The following RBFOX1 variants were observed in gnomAD, a reference collection of about 807,000 sequenced individuals.
RBFOX1 encodes the protein RNA binding protein fox-1 homolog 1.
In RBFOX1, 8 loss-of-function variants were observed where a neutral mutation model predicts 57.7. The observed-to-expected ratio is 0.14, with a 90% CI of 0.08 to 0.25. RBFOX1 has a LOEUF of 0.25. Among genes scored for constraint, RBFOX1 ranks in the 10% least tolerant of loss-of-function variants. The pLI is 1.00. For synonymous variants in RBFOX1, 326 were observed against 222.4 expected (o/e 1.47, Z -4.15); for missense variants, 611 against 548.5 (o/e 1.11, Z -1.14).
At chr16:6,208,751 G>T (rs2097272284) in intron 1 of RBFOX1, among the ~76,000 whole-genome samples, 1 of 152,168 alleles carries the variant, frequency 6.6e-6, no homozygotes, top group Admixed American at 6.5e-5. Flanking sequence ...GTTCTTCTTG[G>T]AAAATTGGAG....
chr16:5,659,119 C>G (rs748201785), intron 3 of RBFOX1, among the ~76,000 whole-genome samples: 4 of 151,970 alleles, frequency 2.6e-5, no homozygotes, highest in African/African-American at 4.8e-5. Context: ...TTTACATTCC[C>G]ACCATCAGTG....
At chr16:6,141,670 C>T (rs937843041) in intron 1 of RBFOX1, among the ~76,000 whole-genome samples, 2 of 152,024 alleles carry the variant, frequency 1.3e-5, no homozygotes, top group Non-Finnish European at 2.9e-5. Context: ...CTTTTCAGCC[C>T]TCTTTAATTC....
chr16:7,362,830 G>T (rs1404159910), intron 4 of RBFOX1, among the ~76,000 whole-genome samples: 1 of 152,140 alleles, frequency 6.6e-6, no homozygotes, highest in Admixed American at 6.5e-5. Context: ...TTATCAGTGG[G>T]TCAGAAGACA....
At chr16:7,148,168 G>C (rs1477580558) in intron 4 of RBFOX1, among the ~76,000 whole-genome samples, 1 of 152,180 alleles carries the variant, frequency 6.6e-6, no homozygotes, top group Non-Finnish European at 1.5e-5. Context: ...GGCTAACTCA[G>C]AGGATTTACA....
intron 4 of RBFOX1, among the ~76,000 whole-genome samples, chr16:7,065,795 A>G (rs2055859039): frequency 6.6e-6 from 1 of 152,130 alleles, no homozygotes; most frequent in Admixed American, 6.5e-5. Flanking sequence ...TTTGACCAAT[A>G]TCTCCTAAAT....
At chr16:6,884,925 T>G (rs2063681902) in intron 3 of RBFOX1, among the ~76,000 whole-genome samples, 2 of 152,000 alleles carry the variant, frequency 1.3e-5, no homozygotes, top group African/African-American at 4.8e-5. Flanking sequence ...AAAAAAACCC[T>G]GCAAATATTA....
At chr16:6,969,458 G>C (rs1377736068) in intron 3 of RBFOX1, among the ~76,000 whole-genome samples, 1 of 151,946 alleles carries the variant, frequency 6.6e-6, no homozygotes, top group African/African-American at 2.4e-5. Context: ...AAGGTGGCCG[G>C]GTGTGGTGGC....
At chr16:5,639,799 G>A (rs1457659047) in intron 3 of RBFOX1, among the ~76,000 whole-genome samples, 2 of 152,148 alleles carry the variant, frequency 1.3e-5, no homozygotes, top group Admixed American at 6.5e-5. Flanking sequence ...CCAGTCCCCT[G>A]GGCTGGTGTC....
intron 7 of RBFOX1, among the ~76,000 whole-genome samples, chr16:7,587,704 A>G (rs2094203041): frequency 6.6e-6 from 1 of 152,182 alleles, no homozygotes; most frequent in Non-Finnish European, 1.5e-5. Context: ...AGGGGAGAAA[A>G]ATCTCATATA....
chr16:5,360,493 G>C (rs1431186616), intron 1 of RBFOX1, among the ~76,000 whole-genome samples: 1 of 152,224 alleles, frequency 6.6e-6, no homozygotes, highest in Non-Finnish European at 1.5e-5. Context: ...GGTAATGGGA[G>C]AGAGTGCACC....
intron 1 of RBFOX1, among the ~76,000 whole-genome samples, chr16:6,119,734 C>A (rs187267313): frequency 6.6e-6 from 1 of 152,130 alleles, no homozygotes; most frequent in African/African-American, 2.4e-5. Flanking sequence ...GACTCGTGAC[C>A]CTAAGCAATC....
chr16:6,470,314 T>C (rs1486610457), intron 2 of RBFOX1, among the ~76,000 whole-genome samples: 1 of 152,226 alleles, frequency 6.6e-6, no homozygotes, highest in East Asian at 1.9e-4. Context: ...AATTTGACCA[T>C]CTCAATTCAT....
At chr16:7,172,903 A>G (rs2080979481) in intron 4 of RBFOX1, among the ~76,000 whole-genome samples, 1 of 152,222 alleles carries the variant, frequency 6.6e-6, no homozygotes, top group Non-Finnish European at 1.5e-5. Context: ...TGAGATTCCC[A>G]AGGAAGAGAC....
At chr16:6,843,856 C>G (rs111675365) in intron 3 of RBFOX1, among the ~76,000 whole-genome samples, 30 of 152,080 alleles carry the variant, frequency 2.0e-4, no homozygotes, top group Non-Finnish European at 3.7e-4. Context: ...ACTGACTGTT[C>G]CCTCAATATC....
At chr16:5,613,990 C>G (rs57853632) in intron 3 of RBFOX1, among the ~76,000 whole-genome samples, 2 of 151,520 alleles carry the variant, frequency 1.3e-5, no homozygotes, top group African/African-American at 4.9e-5. Flanking sequence ...GGTCAGTTCC[C>G]TCCACTTCTC....
At chr16:6,536,644 C>T (rs2096739348) in intron 2 of RBFOX1, among the ~76,000 whole-genome samples, 1 of 151,952 alleles carries the variant, frequency 6.6e-6, no homozygotes, top group African/African-American at 2.4e-5. Context: ...GTTTCTTCAG[C>T]TAGTATGGCT....
At chr16:7,185,127 A>G (rs1329433635) in intron 4 of RBFOX1, among the ~76,000 whole-genome samples, 1 of 152,224 alleles carries the variant, frequency 6.6e-6, no homozygotes, top group Non-Finnish European at 1.5e-5. Context: ...GTATTATGGA[A>G]GAGCATATGG....
At chr16:6,702,933 C>A (rs1568281300) in intron 3 of RBFOX1, among the ~76,000 whole-genome samples, 3 of 152,284 alleles carry the variant, frequency 2.0e-5, no homozygotes, top group South Asian at 2.1e-4. Flanking sequence ...ATTCTCATGT[C>A]CTCCCAGCCT....
chr16:6,795,068 A>C (rs1392769437), intron 3 of RBFOX1, among the ~76,000 whole-genome samples: 5 of 152,156 alleles, frequency 3.3e-5, no homozygotes, highest in Non-Finnish European at 5.9e-5. Context: ...GATGTGATAT[A>C]TGTCACTTTA....
Sources: gnomAD v4.1 joint callset for allele counts (sites outside exome capture counted in the v4.1 genomes callset) on GRCh38, gnomAD v4.1.1 for gene constraint, MANE v1.5 for transcripts, NCBI Gene and HGNC (gene_info 2026-07-23, HGNC 2026-07-21) for gene names.